Variants in DNA2 observed in about 807,000 individuals in gnomAD.
DNA2 encodes the protein DNA replication ATP-dependent helicase/nuclease DNA2.
Under a neutral mutation model 119.1 loss-of-function variants are expected in DNA2, and 101 were observed. That is an observed-to-expected ratio of 0.85 (90% CI 0.72 to 1.00). The LOEUF is 1.00. DNA2 is among the 50% of genes least tolerant of loss of function. DNA2 has a pLI of 0.00. For synonymous variants in DNA2, 366 were observed against 424.4 expected (o/e 0.86, Z 1.69); for missense variants, 1,121 against 1,255.5 (o/e 0.89, Z 1.62).
chr10:68,437,133 A>T lies in DNA2; in HGVS notation c.1524T>A (p.Pro508=), dbSNP rs1449116564. The T allele has an allele frequency of 6.2e-7, 1 of 1,613,948 alleles. No homozygotes were observed. The highest frequency in any genetic ancestry group is 8.5e-7 in the Non-Finnish European group (1 of 1,179,862). ...TGTCACCTGCCATTAGATTTGTGACAGGTATGGCACCATGTTTACATTGGA... is the reference window on the plus strand; with the variant it reads ...TGTCACCTGCCATTAGATTTGTGACTGGTATGGCACCATGTTTACATTGGA... ...HNFQCKHGAI[P]VTNLMAGDRV... The change falls in exon 10 of 21, where the codon CCT becomes CCA. Residue 508 remains proline (P), a synonymous_variant. Transcript: ENST00000358410.
At chr10:68,451,088 A>C (rs1021932666) in intron 5 of DNA2, among the ~76,000 whole-genome samples, 1 of 148,424 alleles carries the variant, frequency 6.7e-6, no homozygotes, top group Admixed American at 6.8e-5. Flanking sequence ...TGACAGAACA[A>C]GACTGTCTAA....
intron 10 of DNA2, among the ~76,000 whole-genome samples, chr10:68,434,672 T>C (rs540929301): frequency 1.2e-4 from 18 of 151,960 alleles, no homozygotes; most frequent in African/African-American, 3.1e-4. Flanking sequence ...AAAATATGTA[T>C]GTCTACACGC....
chr10:68,463,195 AG>A (rs2052281385), intron 4 of DNA2, among the ~76,000 whole-genome samples: 1 of 152,026 alleles, frequency 6.6e-6, no homozygotes, highest in Admixed American at 6.6e-5. Context: ...CTGTAATCCC[AG>A]CACTTTGGGA....
At chr10:68,426,847 A>AAAAT (rs1234332300) in intron 14 of DNA2, among the ~76,000 whole-genome samples, 6 of 151,910 alleles carry the variant, frequency 3.9e-5, no homozygotes, top group African/African-American at 7.3e-5. Context: ...TCAAAAAAAT[A>AAAAT]AAATAAATAA....
At chr10:68,435,951 AAGAATT>A (rs1165028341) in intron 10 of DNA2, among the ~76,000 whole-genome samples, 2 of 152,346 alleles carry the variant, frequency 1.3e-5, no homozygotes, top group African/African-American at 4.8e-5. Flanking sequence ...ATGTGGTTGT[AAGAATT>A]AGATAAGATT....
At chr10:68,471,181 T>C (rs897623197) in intron 1 of DNA2, among the ~76,000 whole-genome samples, 2 of 152,210 alleles carry the variant, frequency 1.3e-5, no homozygotes, top group African/African-American at 4.8e-5. Context: ...TTATCTTTTG[T>C]TACCTGACCG....
At chr10:68,454,779 C>CT (rs1485954910) in intron 5 of DNA2, among the ~76,000 whole-genome samples, 1 of 151,226 alleles carries the variant, frequency 6.6e-6, no homozygotes, top group East Asian at 2.0e-4. Flanking sequence ...GCACTCCAGA[C>CT]TAGGTGACAG....
chr10:68,435,729 C>T (rs531963862), intron 10 of DNA2, among the ~76,000 whole-genome samples: 1 of 152,164 alleles, frequency 6.6e-6, no homozygotes, highest in Admixed American at 6.6e-5. Context: ...GCTGGGATTA[C>T]AGACGTGAGC....
chr10:68,453,679 ATACT>A (rs758503555), intron 5 of DNA2, among the ~76,000 whole-genome samples: 8 of 152,210 alleles, frequency 5.3e-5, no homozygotes, highest in Non-Finnish European at 8.8e-5. Flanking sequence ...AGATAGACAA[ATACT>A]TACCGTTGTT....
intron 4 of DNA2, among the ~76,000 whole-genome samples, chr10:68,464,609 G>A (rs1338228621): frequency 6.6e-6 from 1 of 151,518 alleles, no homozygotes; most frequent in Non-Finnish European, 1.5e-5. Context: ...CGAGGCAGGC[G>A]GATCACCTAG....
chr10:68,464,431 C>A (rs1298939539), intron 4 of DNA2, among the ~76,000 whole-genome samples: 1 of 151,948 alleles, frequency 6.6e-6, no homozygotes, highest in African/African-American at 2.4e-5. Context: ...AGGAAAATTG[C>A]TTGAACCCGG....
At chr10:68,457,715 A>G (rs1301876358) in intron 5 of DNA2, among the ~76,000 whole-genome samples, 2 of 152,020 alleles carry the variant, frequency 1.3e-5, no homozygotes, top group Admixed American at 1.3e-4. Flanking sequence ...TCCCCTATAA[A>G]ATTATAACAA....
intron 5 of DNA2, among the ~76,000 whole-genome samples, chr10:68,456,603 G>C (rs1205818170): frequency 1.3e-5 from 2 of 151,852 alleles, no homozygotes; most frequent in African/African-American, 4.8e-5. Context: ...TAGTAGAGAT[G>C]GTGTTCCACC....
chr10:68,424,715 C>G lies in DNA2; in HGVS notation c.2209-1825G>C, dbSNP rs573418201. 5 of 1,599,432 alleles carry G rather than the reference C, an allele frequency of 3.1e-6. No homozygotes were observed. In the African/African-American group the frequency reaches 6.7e-5, roughly 21 times the overall value. ...TCCGCTCCACACCCATCCGCAAGGA[C>G]GACGAGGTCCAGGTAGTTCAAGGAC... is the stretch of plus-strand genomic sequence containing the variant. On this transcript the variant is annotated intron_variant, in intron 14 of 20. Coordinates refer to ENST00000358410, the MANE Select transcript of DNA2 (RefSeq NM_001080449.3).
chr10:68,468,806 T>C (rs1283497663), intron 2 of DNA2, among the ~76,000 whole-genome samples: 1 of 152,106 alleles, frequency 6.6e-6, no homozygotes, highest in African/African-American at 2.4e-5. Context: ...ATCCCAGCAC[T>C]TTGGGAGGCC....
chr10:68,430,981 C>CT (rs1294078320), intron 13 of DNA2, among the ~76,000 whole-genome samples: 1 of 151,852 alleles, frequency 6.6e-6, no homozygotes, highest in East Asian at 1.9e-4. Flanking sequence ...TTAAAAAATT[C>CT]TTTTTTTAAT....
intron 4 of DNA2, among the ~76,000 whole-genome samples, chr10:68,462,537 T>C (rs1226385720): frequency 6.7e-6 from 1 of 150,090 alleles, no homozygotes; most frequent in Non-Finnish European, 1.5e-5. Context: ...GCAAAAGTTT[T>C]GAGAACTGCT....
rs144458139 is a variant in DNA2 at position 68,428,011 on chromosome 10, C to A, written c.2208+2425G>T. ...TCGCACCACTGCACTCCAGCCTGGGCGCCAGAGCCAAACTCCATCTCAGAA... is the reference window on the plus strand; with the variant it reads ...TCGCACCACTGCACTCCAGCCTGGGAGCCAGAGCCAAACTCCATCTCAGAA... On this transcript the variant is annotated intron_variant, in intron 14 of 20. Transcript: ENST00000358410. 2.1e-3 allele frequency among the ~76,000 whole-genome samples: 299 copies of A among 142,092 alleles called. 1 individual carries two copies. Among genetic ancestry groups the A allele is most frequent in the African/African-American group, 7.7e-3 (290 of 37,848 alleles). The allele number at this position is 142,092 out of a possible 152,430, so 93.2% of individuals were successfully genotyped here.
At chr10:68,453,247 C>CT (rs2052143091) in intron 5 of DNA2, among the ~76,000 whole-genome samples, 1 of 152,104 alleles carries the variant, frequency 6.6e-6, no homozygotes, top group African/African-American at 2.4e-5. Context: ...CTAAGTACTA[C>CT]TTTAGCTATA....
Sources: gnomAD v4.1 joint callset for allele counts (sites outside exome capture counted in the v4.1 genomes callset) on GRCh38, gnomAD v4.1.1 for gene constraint, MANE v1.5 for transcripts, NCBI Gene and HGNC (gene_info 2026-07-23, HGNC 2026-07-21) for gene names.